MYO18B: variants seen among roughly 807,000 people sequenced by gnomAD.
MYO18B encodes the protein myosin XVIIIB, also known as unconventional myosin-XVIIIb.
A neutral mutation model predicts 273.0 loss-of-function variants in MYO18B; 204 were observed. That is an observed-to-expected ratio of 0.75 (90% CI 0.67 to 0.84). MYO18B has a LOEUF of 0.84. Ranked by LOEUF, MYO18B falls within the 40% of genes least tolerant of loss-of-function variation. The pLI is 0.00. For missense variants in MYO18B, 3,212 were observed against 3,287.6 expected, an observed-to-expected ratio of 0.98 and a Z score of 0.56; for synonymous variants, 1,330 against 1,305.7, an observed-to-expected ratio of 1.02 and a Z score of -0.40.
rs1349277135 is a variant in MYO18B at position 25,867,397 on chromosome 22, G to C, written c.3886-923G>C. ...ATGCAGTACTTGTCCTTTTGTGACT[G>C]ACTTATTTGGCTTGGAATAATGTCC... On this transcript the variant is annotated intron_variant, in intron 21 of 43. Coordinates refer to ENST00000335473, the MANE Select transcript of MYO18B (RefSeq NM_032608.7). Among the ~76,000 whole-genome samples, 7 of 152,164 alleles carry C rather than the reference G, an allele frequency of 4.6e-5. No individual in the cohort carries two copies. In the East Asian group the frequency reaches 1.2e-3, roughly 25 times the overall value.
In MYO18B at chr22:25,805,265, T is replaced by G. The variant is rs566029808; in HGVS notation, c.2521+7168T>G. On this transcript the variant is annotated intron_variant, in intron 12 of 43. Coordinates refer to ENST00000335473, the MANE Select transcript of MYO18B (RefSeq NM_032608.7). ...CTGAAGCTCCTCCAGGAGAAACCAC[T>G]TGCCCAGGGCACACAATGAGGCTGC... is the stretch of plus-strand genomic sequence containing the variant. 3.3e-5 allele frequency among the ~76,000 whole-genome samples: 5 copies of G among 152,304 alleles called. No homozygotes were observed. The East Asian group carries it at 9.7e-4, about 29-fold the overall frequency.
chr22:26,042,738 TATG>T, the MYO18B span, among the ~76,000 whole-genome samples: 1 of 152,238 alleles, frequency 6.6e-6, no homozygotes, highest in East Asian at 1.9e-4. Flanking sequence ...TTCATTCATT[TATG>T]AATTCACTCA....
At chr22:25,911,919 G>A (rs957986832) in intron 33 of MYO18B, among the ~76,000 whole-genome samples, 3 of 152,190 alleles carry the variant, frequency 2.0e-5, no homozygotes, top group African/African-American at 4.8e-5. Flanking sequence ...ATCCCAACAC[G>A]GGAGAGAAAT....
chr22:26,062,688 G>C, the MYO18B span, among the ~76,000 whole-genome samples: 1 of 152,070 alleles, frequency 6.6e-6, no homozygotes, highest in Non-Finnish European at 1.5e-5. Flanking sequence ...AATATGCCTG[G>C]CTAATAGATG....
chr22:25,988,161 T>C (rs1173534038), intron 39 of MYO18B, among the ~76,000 whole-genome samples: 1 of 151,828 alleles, frequency 6.6e-6, no homozygotes, highest in African/African-American at 2.4e-5. Flanking sequence ...TGCTTGTGCA[T>C]CCCTTCCGTG....
At chr22:26,023,497 A>T (rs73154184) in intron 42 of MYO18B, among the ~76,000 whole-genome samples, 148,748 of 151,104 alleles carry the variant, frequency 0.98, 73,196 homozygotes, top group East Asian at 1. Context: ...CTCCTCCTCT[A>T]CCTCCTCCCT....
chr22:25,745,507 A>T (rs187635699), intron 1 of MYO18B, among the ~76,000 whole-genome samples: 1 of 150,866 alleles, frequency 6.6e-6, no homozygotes, highest in Non-Finnish European at 1.5e-5. Context: ...ACACACGCAC[A>T]CACATCTCAT....
intron 25 of MYO18B, among the ~76,000 whole-genome samples, chr22:25,886,450 C>T (rs2091503229): frequency 6.6e-6 from 1 of 152,222 alleles, no homozygotes; most frequent in Non-Finnish European, 1.5e-5. Flanking sequence ...GCTGGTACTG[C>T]AGTTGGGCTG....
intron 17 of MYO18B, among the ~76,000 whole-genome samples, chr22:25,839,323 C>T (rs536059660): frequency 3.6e-4 from 55 of 152,222 alleles, no homozygotes; most frequent in African/African-American, 1.3e-3. Context: ...TGAAAGCAAA[C>T]GTGCCTAGGG....
At chr22:25,950,518 A>T in intron 37 of MYO18B, 68 bp downstream of exon 37, 5 of 604,444 alleles carry the variant, frequency 8.3e-6, no homozygotes, top group East Asian at 3.2e-5. Flanking sequence ...AACTAATAGG[A>T]TGTGTGTGTG....
chr22:25,897,226 C>T (rs753738354), intron 28 of MYO18B: 1 of 152,186 alleles, frequency 6.6e-6, no homozygotes, highest in Admixed American at 6.5e-5. Context: ...CATTCGATAT[C>T]GGAGCCATAG....
chr22:25,835,833 C>A (rs560157634), intron 17 of MYO18B, among the ~76,000 whole-genome samples: 1 of 152,210 alleles, frequency 6.6e-6, no homozygotes, highest in South Asian at 2.1e-4. Context: ...GCCAGGAACA[C>A]GATGCAGGAC....
chr22:25,912,495 A>G (rs1408477471), intron 33 of MYO18B, among the ~76,000 whole-genome samples: 1 of 152,216 alleles, frequency 6.6e-6, no homozygotes, highest in Admixed American at 6.5e-5. Flanking sequence ...GGTAAGTTTA[A>G]ATGAATAAAA....
At chr22:25,862,842 T>C (rs2090775298) in intron 21 of MYO18B, among the ~76,000 whole-genome samples, 1 of 145,580 alleles carries the variant, frequency 6.9e-6, no homozygotes, top group Admixed American at 6.7e-5. Context: ...ATAGACTTTT[T>C]TTTTGGGGGG....
At chr22:25,999,962 T>G (rs1933791811) in intron 40 of MYO18B, among the ~76,000 whole-genome samples, 1 of 152,184 alleles carries the variant, frequency 6.6e-6, no homozygotes, top group East Asian at 1.9e-4. Flanking sequence ...CAAGTTCTTT[T>G]TTTAAAAAGC....
chr22:25,968,236 T>C (rs2092999475), intron 39 of MYO18B, among the ~76,000 whole-genome samples: 1 of 152,154 alleles, frequency 6.6e-6, no homozygotes, highest in Admixed American at 6.6e-5. Context: ...AGCACTGGTA[T>C]TTGAAGGGTA....
intron 12 of MYO18B, among the ~76,000 whole-genome samples, chr22:25,821,893 C>T (rs2089295414): frequency 6.6e-6 from 1 of 152,134 alleles, no homozygotes; most frequent in Non-Finnish European, 1.5e-5. Flanking sequence ...ATCCCTTTAC[C>T]TAGCTGTGAT....
chr22:25,830,693 G>C (rs1362493007), intron 15 of MYO18B, among the ~76,000 whole-genome samples: 1 of 152,196 alleles, frequency 6.6e-6, no homozygotes, highest in Admixed American at 6.5e-5. Context: ...TGGACTTGAG[G>C]CCTGCACAGA....
At chr22:25,835,086 G>T (rs1330637220) in intron 16 of MYO18B, among the ~76,000 whole-genome samples, 1 of 152,218 alleles carries the variant, frequency 6.6e-6, no homozygotes, top group Non-Finnish European at 1.5e-5. Flanking sequence ...GAGCACAGAG[G>T]CAGGATTCAG....
Sources: gnomAD v4.1 joint callset for allele counts (sites outside exome capture counted in the v4.1 genomes callset) on GRCh38, gnomAD v4.1.1 for gene constraint, MANE v1.5 for transcripts, NCBI Gene and HGNC (gene_info 2026-07-23, HGNC 2026-07-21) for gene names.